The following UBE2H variants were observed in gnomAD, a reference collection of about 807,000 sequenced individuals.
UBE2H encodes ubiquitin conjugating enzyme E2 H.
UBE2H carries 3 observed loss-of-function variants against 29.0 expected under a neutral mutation model. The observed-to-expected ratio is 0.10, with a 90% CI of 0.05 to 0.27. UBE2H has a LOEUF of 0.27. Ranked by LOEUF, UBE2H falls within the 10% of genes least tolerant of loss-of-function variation. UBE2H has a pLI of 1.00. For missense variants in UBE2H, 68 were observed against 228.2 expected (o/e 0.30, Z 4.52); for synonymous variants, 69 against 82.9 (o/e 0.83, Z 0.91).
chr7:129,931,752 G>T (rs577560737), intron 1 of UBE2H, among the ~76,000 whole-genome samples: 1 of 151,532 alleles, frequency 6.6e-6, no homozygotes, highest in Admixed American at 6.6e-5. Context: ...CAGTTGTCTC[G>T]TAAAGGCTAA....
chr7:129,897,189 T>C (rs1806616852), intron 1 of UBE2H, among the ~76,000 whole-genome samples: 1 of 152,224 alleles, frequency 6.6e-6, no homozygotes, highest in Non-Finnish European at 1.5e-5. Context: ...CTCTAGAGAT[T>C]GATTCCCCAT....
rs553184840 is a variant in UBE2H at position 129,952,324 on chromosome 7, C to T, written c.53+179G>A. ...CGGGGTGCTGCGGAGAAAAGGCGAG[C>T]TGAAAAGGCTCTCGGCCCCTGGGAG... On this transcript the variant is annotated intron_variant, in intron 1 of 6. Transcript: ENST00000355621. 7.2e-5 allele frequency among the ~76,000 whole-genome samples: 11 copies of T among 152,164 alleles called. No individual in the cohort carries two copies. The South Asian group carries it at 2.1e-3, about 29-fold the overall frequency.
At chr7:129,948,828 G>A (rs907417546) in intron 1 of UBE2H, 1 of 278,970 alleles carries the variant, frequency 3.6e-6, no homozygotes, top group Non-Finnish European at 7.4e-6. Flanking sequence ...AACATTTCTT[G>A]TACTCTAACA....
At chr7:129,904,357 C>T (rs1295621195) in intron 1 of UBE2H, among the ~76,000 whole-genome samples, 2 of 152,036 alleles carry the variant, frequency 1.3e-5, no homozygotes, top group Non-Finnish European at 1.5e-5. Context: ...TGGCCTTAAG[C>T]GATCCTCTTG....
chr7:129,896,466 C>A (rs1806603240), intron 1 of UBE2H, among the ~76,000 whole-genome samples: 2 of 152,088 alleles, frequency 1.3e-5, no homozygotes, highest in Admixed American at 6.6e-5. Context: ...GTGGCGAGAT[C>A]CCGGCTCAGC....
At chr7:129,952,160 C>A (rs2116546254) in intron 1 of UBE2H, among the ~76,000 whole-genome samples, 1 of 151,922 alleles carries the variant, frequency 6.6e-6, no homozygotes, top group South Asian at 2.1e-4. Context: ...GAGAGAGAAA[C>A]CCTGAAAATG....
At chr7:129,880,334 C>T (rs1806229256) in intron 2 of UBE2H, among the ~76,000 whole-genome samples, 2 of 152,262 alleles carry the variant, frequency 1.3e-5, no homozygotes, top group South Asian at 2.1e-4. Flanking sequence ...TGGTGAAACC[C>T]TGTCTCTACT....
Position 129,901,607 on chromosome 7 carries a change from T to C in UBE2H, c.54-20636A>G, listed in dbSNP as rs78866057. Among the ~76,000 whole-genome samples the C allele has an allele frequency of 1.0e-2, 1,516 of 152,264 alleles. 31 individuals carry two copies. Among genetic ancestry groups the C allele is most frequent in the African/African-American group, 0.035 (1,448 of 41,558 alleles). On this transcript the variant is annotated intron_variant, in intron 1 of 6. Coordinates refer to ENST00000355621, the MANE Select transcript of UBE2H (RefSeq NM_003344.4). ...CTGATATTTCCAATCTAGTAGATGA[T>C]GACACTTTCTTTTTTTGAGATCTTC... is the stretch of plus-strand genomic sequence containing the variant.
intron 1 of UBE2H, among the ~76,000 whole-genome samples, chr7:129,925,989 A>T (rs746287853): frequency 6.6e-6 from 1 of 152,230 alleles, no homozygotes; most frequent in Non-Finnish European, 1.5e-5. Context: ...CATGCTAAAT[A>T]CATTCACATA....
At chr7:129,854,060 G>GGTTTTTTTTTTTTTTTTATTT (rs1554430936) in intron 5 of UBE2H, among the ~76,000 whole-genome samples, 62 of 100,282 alleles carry the variant, frequency 6.2e-4, no homozygotes, top group Non-Finnish European at 1.0e-3. Flanking sequence ...TTTAGTGTTA[G>GGTTTTTTTTTTTTTTTTATTT]TTTTTTTTTT....
chr7:129,856,026 G>C (rs58857902), intron 5 of UBE2H, among the ~76,000 whole-genome samples: 27,725 of 152,074 alleles, frequency 0.18, 2,809 homozygotes, highest in African/African-American at 0.26. Flanking sequence ...TGTGAGATGA[G>C]TGAAGAAGGT....
At chr7:129,860,034 T>A (rs1324444992) in intron 3 of UBE2H, among the ~76,000 whole-genome samples, 81 of 152,114 alleles carry the variant, frequency 5.3e-4, no homozygotes, top group Non-Finnish European at 8.8e-5. Context: ...ATACCTGCAA[T>A]CTGAATAAAG....
At chr7:129,913,581 C>A (rs1274597105) in intron 1 of UBE2H, among the ~76,000 whole-genome samples, 8 of 151,224 alleles carry the variant, frequency 5.3e-5, no homozygotes, top group Non-Finnish European at 1.2e-4. Context: ...TTCATTCGAG[C>A]CCCTCAATAA....
At chr7:129,839,182 C>T in intron 6 of UBE2H, 25 bp downstream of exon 6, 1 of 1,603,394 alleles carries the variant, frequency 6.2e-7, no homozygotes, top group Non-Finnish European at 8.5e-7. Flanking sequence ...CTTTTGTCTC[C>T]AGGTTAAACT....
chr7:129,884,940 C>A (rs1268989705), intron 1 of UBE2H, among the ~76,000 whole-genome samples: 3 of 151,936 alleles, frequency 2.0e-5, no homozygotes, highest in Admixed American at 6.6e-5. Context: ...CTGGCTCATG[C>A]CTATAATCCC....
intron 1 of UBE2H, among the ~76,000 whole-genome samples, chr7:129,935,791 T>A (rs140621495): frequency 2.6e-5 from 4 of 152,352 alleles, no homozygotes; most frequent in Non-Finnish European, 4.4e-5. Context: ...TTAATCACAG[T>A]TGAAAAGTAG....
chr7:129,893,521 G>A (rs1171324677), intron 1 of UBE2H, among the ~76,000 whole-genome samples: 1 of 152,094 alleles, frequency 6.6e-6, no homozygotes, highest in Admixed American at 6.6e-5. Flanking sequence ...TCCAACTGCA[G>A]AAACAGTTTC....
chr7:129,916,012 TA>T (rs1807036715), intron 1 of UBE2H, among the ~76,000 whole-genome samples: 2 of 152,214 alleles, frequency 1.3e-5, no homozygotes, highest in South Asian at 4.1e-4. Flanking sequence ...GTTCAATTAT[TA>T]AAAAGCCAGA....
intron 1 of UBE2H, among the ~76,000 whole-genome samples, chr7:129,938,489 T>C (rs1307249457): frequency 1.8e-5 from 2 of 112,988 alleles, no homozygotes; most frequent in African/African-American, 6.9e-5. Flanking sequence ...CCGAGGCGGG[T>C]GGATCACCTG....
Sources: allele counts gnomAD v4.1 joint callset (sites outside exome capture counted in the v4.1 genomes callset), GRCh38; gene constraint gnomAD v4.1.1; transcripts MANE v1.5; gene names NCBI Gene and HGNC (gene_info 2026-07-23, HGNC 2026-07-21).